Variants in PNPLA7 observed in about 807,000 individuals in gnomAD.
The protein encoded by PNPLA7 is patatin-like phospholipase domain-containing protein 7.
PNPLA7 carries 153 observed loss-of-function variants against 161.7 expected under a neutral mutation model. The observed-to-expected ratio is 0.95, with a 90% CI of 0.83 to 1.08. PNPLA7 has a LOEUF of 1.08. Among genes scored for constraint, PNPLA7 ranks in the 50% least tolerant of loss-of-function variants. The pLI is 0.00. For missense variants in PNPLA7, 1,739 were observed against 1,856.6 expected, an observed-to-expected ratio of 0.94 and a Z score of 1.16; for synonymous variants, 809 against 782.1, an observed-to-expected ratio of 1.03 and a Z score of -0.57.
chr9:137,517,590 C>T (rs1834674581), intron 11 of PNPLA7, among the ~76,000 whole-genome samples: 2 of 88,956 alleles, frequency 2.2e-5, no homozygotes, highest in Admixed American at 2.1e-4. Context: ...CTCACTCACT[C>T]CACTCTGTCC....
At chr9:137,517,037 CCTGT>C (rs1834620487) in intron 11 of PNPLA7, among the ~76,000 whole-genome samples, 1 of 132,850 alleles carries the variant, frequency 7.5e-6, no homozygotes, top group African/African-American at 2.9e-5. Flanking sequence ...CACTCCATCC[CCTGT>C]CACTCACTCC....
Position 137,535,021 on chromosome 9 carries a change from G to A in PNPLA7, c.747+5621C>T, listed in dbSNP as rs556946445. ...GGAAGTTTTTTTTGGAACACTAGAT[G>A]GCCACATTGAGTAGCTGCAAGAGAG... On this transcript the variant is annotated intron_variant, in intron 8 of 34. Coordinates refer to ENST00000406427, the MANE Select transcript of PNPLA7 (RefSeq NM_001098537.3). Among the ~76,000 whole-genome samples, 3 of 152,298 alleles carry A rather than the reference G, an allele frequency of 2.0e-5. No individual in the cohort carries two copies. The South Asian group carries it at 6.2e-4, about 32-fold the overall frequency.
rs556739076 is a variant in PNPLA7 at position 137,500,194 on chromosome 9, G to A, written c.1757+497C>T. ...GCGACACGGGCACATTCTGCCCCAA[G>A]AAGGGACACACGTCAGTGGGGCTCC... On this transcript the variant is annotated intron_variant, in intron 16 of 34. Coordinates refer to ENST00000406427, the MANE Select transcript of PNPLA7 (RefSeq NM_001098537.3). This position sits in a 1 kb window ranked among gnomAD's most constrained non-coding sequence, Gnocchi z 5.5. 8.0e-4 allele frequency among the ~76,000 whole-genome samples: 122 copies of A among 152,384 alleles called. 1 individual carries two copies. The highest frequency in any genetic ancestry group is 4.4e-3 in the Admixed American group (67 of 15,304).
Position 137,484,742 on chromosome 9 carries a change from G to A in PNPLA7, c.2198-6C>T. 3 of 1,604,512 alleles carry A rather than the reference G, an allele frequency of 1.9e-6. No individual in the cohort carries two copies. Among genetic ancestry groups the A allele is most frequent in the Non-Finnish European group, 2.6e-6 (3 of 1,175,030 alleles). Reference sequence around the variant, plus strand: ...GGGGAGCCCAAGCTGGTGGCCTGTGGAGCAAAGGACCCACGTCAGCTGGGA... The same window carrying A: ...GGGGAGCCCAAGCTGGTGGCCTGTGAAGCAAAGGACCCACGTCAGCTGGGA... On this transcript the variant is annotated splice_polypyrimidine_tract_variant and splice_region_variant and intron_variant, in intron 20 of 34. Coordinates refer to ENST00000406427, the MANE Select transcript of PNPLA7 (RefSeq NM_001098537.3).
chr9:137,464,374 C>G lies in PNPLA7; in HGVS notation c.3122G>C (p.Ser1041Thr). The G allele has an allele frequency of 6.2e-7, 1 of 1,613,950 alleles. No homozygotes were observed. The highest frequency in any genetic ancestry group is 8.5e-7 in the Non-Finnish European group (1 of 1,180,010). Residue 1041 changes from serine (S) to threonine (T), a missense_variant, in exon 27 of 35, where the codon AGC (serine) becomes ACC (threonine). Coordinates refer to ENST00000406427, the MANE Select transcript of PNPLA7 (RefSeq NM_001098537.3). The part of the protein sequence containing the change: ...SMFSGAGFNS[S>T]IFSVFKDQQI... ...CTGGTCCTTGAAGACGCTGAAGATG[C>G]TGCTGTTGAAGCCGGCTCCGGAGAA... is the stretch of plus-strand genomic sequence containing the variant.
intron 1 of PNPLA7, among the ~76,000 whole-genome samples, chr9:137,549,146 G>A (rs1836704350): frequency 6.6e-6 from 1 of 152,262 alleles, no homozygotes; most frequent in South Asian, 2.1e-4. Context: ...TCTGGTTTAG[G>A]AAATAAGGCC....
At chr9:137,481,797 G>A (rs1187511898) in intron 21 of PNPLA7, among the ~76,000 whole-genome samples, 7 of 152,242 alleles carry the variant, frequency 4.6e-5, no homozygotes, top group African/African-American at 1.4e-4. Flanking sequence ...TTAGCTGGGT[G>A]TGGTGGCGGG....
intron 25 of PNPLA7, among the ~76,000 whole-genome samples, chr9:137,472,494 T>C (rs1422695606): frequency 1.3e-5 from 2 of 150,438 alleles, no homozygotes; most frequent in Non-Finnish European, 3.0e-5. Flanking sequence ...CTACTAAAAA[T>C]GCAAAAATTA....
chr9:137,493,001 G>A lies in PNPLA7; in HGVS notation c.2197+12C>T. ...GCTCCCAGGAGGCTCTGGGTTGGGA[G>A]AGGTGACCCACCTGTCACAGGTCCC... is the stretch of plus-strand genomic sequence containing the variant. On this transcript the variant is annotated intron_variant, in intron 20 of 34. Transcript: ENST00000406427. 1 of 1,612,504 alleles carries A rather than the reference G, an allele frequency of 6.2e-7. No individual in the cohort carries two copies. The highest frequency in any genetic ancestry group is 1.1e-5 in the South Asian group (1 of 91,062).
At chr9:137,528,802 G>A (rs530590566) in intron 8 of PNPLA7, among the ~76,000 whole-genome samples, 2 of 151,740 alleles carry the variant, frequency 1.3e-5, no homozygotes, top group African/African-American at 4.8e-5. Flanking sequence ...CCGGGTTCAC[G>A]CCATTCTCCT....
chr9:137,546,959 G>T lies in PNPLA7; in HGVS notation c.194-50C>A. On this transcript the variant is annotated intron_variant, in intron 3 of 34. Transcript: ENST00000406427. ...TGAGGTAGAGCCGTGGCACAGGCCT[G>T]GTCCTGGACATGCAGGTGCAGCACA... is the stretch of plus-strand genomic sequence containing the variant. 4 of 1,556,812 alleles carry T rather than the reference G, an allele frequency of 2.6e-6. No homozygotes were observed. The South Asian group carries it at 4.5e-5, about 17-fold the overall frequency.
At chr9:137,513,425 G>C (rs1294869057) in intron 12 of PNPLA7, among the ~76,000 whole-genome samples, 1 of 149,600 alleles carries the variant, frequency 6.7e-6, no homozygotes, top group African/African-American at 2.5e-5. Context: ...GCGGTGAGCT[G>C]AGATCACACC....
intron 8 of PNPLA7, among the ~76,000 whole-genome samples, chr9:137,528,989 C>T (rs972184882): frequency 2.0e-5 from 3 of 151,892 alleles, no homozygotes; most frequent in Admixed American, 6.6e-5. Flanking sequence ...CGTGAGCCAC[C>T]GCGCCCGGCC....
At chr9:137,542,408 C>A (rs1836253253) in intron 7 of PNPLA7, among the ~76,000 whole-genome samples, 1 of 152,114 alleles carries the variant, frequency 6.6e-6, no homozygotes, top group East Asian at 1.9e-4. Flanking sequence ...GAAGTCCAGG[C>A]CTCAGTGAGC....
chr9:137,481,517 G>T (rs187985063), intron 21 of PNPLA7, among the ~76,000 whole-genome samples: 1 of 152,294 alleles, frequency 6.6e-6, no homozygotes, highest in East Asian at 1.9e-4. Context: ...AACCAGGGGC[G>T]CCAGTGTCAG....
At chr9:137,475,468 C>G (rs529806806) in intron 25 of PNPLA7, among the ~76,000 whole-genome samples, 1 of 152,166 alleles carries the variant, frequency 6.6e-6, no homozygotes, top group Non-Finnish European at 1.5e-5. Context: ...TCCATCCCCC[C>G]GGTTCACGCC....
chr9:137,496,501 C>T (rs1031879792), intron 18 of PNPLA7, among the ~76,000 whole-genome samples: 1 of 151,658 alleles, frequency 6.6e-6, no homozygotes, highest in African/African-American at 2.4e-5. Context: ...CACCTGCGGT[C>T]GGGAGTTGGA....
chr9:137,527,419 G>A (rs1448261309), intron 8 of PNPLA7, among the ~76,000 whole-genome samples: 1 of 152,108 alleles, frequency 6.6e-6, no homozygotes, highest in Admixed American at 6.5e-5. Context: ...TCCTTTATTC[G>A]ATTTAGGAAG....
chr9:137,467,541 G>C lies in PNPLA7; in HGVS notation c.2883-68C>G, dbSNP rs1365183523. ...CCAGGCTGCGCCCTGCAGAGGCCTT[G>C]TGCTCATCCTCAGTTCCCAACTCCT... is the stretch of plus-strand genomic sequence containing the variant. On this transcript the variant is annotated intron_variant, in intron 25 of 34. Transcript: ENST00000406427. The surrounding 1 kb of genome is among the most constrained non-coding windows in gnomAD (Gnocchi z 5.1). 7 of 1,562,368 alleles carry C rather than the reference G, an allele frequency of 4.5e-6. No individual in the cohort carries two copies. In the South Asian group the frequency reaches 5.8e-5, roughly 13 times the overall value.
Sources: allele counts gnomAD v4.1 joint callset (sites outside exome capture counted in the v4.1 genomes callset), GRCh38; gene constraint gnomAD v4.1.1; non-coding constraint Gnocchi (gnomAD v3.1); transcripts MANE v1.5; gene names NCBI Gene and HGNC (gene_info 2026-07-23, HGNC 2026-07-21).